The following HTR2A variants were observed in gnomAD, a reference collection of about 807,000 sequenced individuals.
HTR2A encodes the protein 5-HT2 receptor.
A neutral mutation model predicts 31.0 loss-of-function variants in HTR2A; 14 were observed. That is an observed-to-expected ratio of 0.45 (90% confidence interval 0.30 to 0.71). HTR2A has a LOEUF of 0.71. HTR2A is among the 30% of genes least tolerant of loss of function. The pLI, the probability that HTR2A is intolerant of heterozygous loss-of-function variation, is 0.09. For missense variants in HTR2A, 442 were observed against 573.3 expected, an observed-to-expected ratio of 0.77 and a Z score of 2.34; for synonymous variants, 209 against 225.2, an observed-to-expected ratio of 0.93 and a Z score of 0.64.
intron 3 of HTR2A, among the ~76,000 whole-genome samples, chr13:46,861,948 T>C (rs904429377): frequency 6.6e-6 from 1 of 152,214 alleles, no homozygotes; most frequent in Non-Finnish European, 1.5e-5. Flanking sequence ...GAATATTGGA[T>C]GCACATGGAG....
Position 46,833,322 on chromosome 13 carries a change from T to G in HTR2A, c.*1515A>C, listed in dbSNP as rs1373071945. 2.0e-5 allele frequency: 3 copies of G among 152,188 alleles called. No homozygotes were observed. The highest frequency in any genetic ancestry group is 4.4e-5 in the Non-Finnish European group (3 of 68,034). The allele number at this position is 152,188 out of a possible 1,614,324, so 9.4% of individuals were successfully genotyped here. ...ATTCTAAAAATAAGTCTGTATATATTTTTTGACTAAGACCATTTCAGTTTA... is the reference window on the plus strand; with the variant it reads ...ATTCTAAAAATAAGTCTGTATATATGTTTTGACTAAGACCATTTCAGTTTA... On this transcript the variant is annotated 3_prime_UTR_variant, in exon 4 of 4. Transcript: ENST00000542664.
intron 3 of HTR2A, among the ~76,000 whole-genome samples, chr13:46,862,480 G>T (rs1950787571): frequency 6.6e-6 from 1 of 152,158 alleles, no homozygotes; most frequent in Non-Finnish European, 1.5e-5. Flanking sequence ...GAAAAAGTTA[G>T]CCAGGGGGAA....
At chr13:46,857,721 TA>T (rs1359700830) in intron 3 of HTR2A, among the ~76,000 whole-genome samples, 1 of 152,110 alleles carries the variant, frequency 6.6e-6, no homozygotes, top group African/African-American at 2.4e-5. Flanking sequence ...ACAAATGAAA[TA>T]AATGCCCTGG....
chr13:46,853,888 T>C (rs1950710868), intron 3 of HTR2A: 1 of 152,244 alleles, frequency 6.6e-6, no homozygotes, highest in Non-Finnish European at 1.5e-5. Flanking sequence ...CCAGAGGTTT[T>C]TTGCAGTTTT....
At chr13:46,881,866 G>C (rs1346333286) in intron 3 of HTR2A, among the ~76,000 whole-genome samples, 1 of 152,110 alleles carries the variant, frequency 6.6e-6, no homozygotes, top group Admixed American at 6.5e-5. Context: ...TTTTGAGTCT[G>C]GTTTACTCAG....
intron 3 of HTR2A, among the ~76,000 whole-genome samples, chr13:46,852,793 T>C (rs1019118721): frequency 2.6e-5 from 4 of 152,182 alleles, no homozygotes; most frequent in African/African-American, 9.7e-5. Context: ...TAAAATCACT[T>C]AGTCATGCTC....
chr13:46,885,770 C>A (rs1317557640), intron 3 of HTR2A, among the ~76,000 whole-genome samples: 1 of 152,164 alleles, frequency 6.6e-6, no homozygotes, highest in African/African-American at 2.4e-5. Context: ...TTCATTTTGC[C>A]AATTGGATAA....
chr13:46,871,994 C>T (rs192433290), intron 3 of HTR2A, among the ~76,000 whole-genome samples: 10 of 152,224 alleles, frequency 6.6e-5, no homozygotes, highest in African/African-American at 1.9e-4. Flanking sequence ...TTTATTTTTC[C>T]TCTTTAAATT....
At chr13:46,886,161 A>G (rs767610359) in intron 3 of HTR2A, among the ~76,000 whole-genome samples, 1 of 152,182 alleles carries the variant, frequency 6.6e-6, no homozygotes, top group Non-Finnish European at 1.5e-5. Flanking sequence ...TTATTGGAAA[A>G]CTTGTGAATT....
chr13:46,884,332 C>G (rs1186373326), intron 3 of HTR2A, among the ~76,000 whole-genome samples: 1 of 152,168 alleles, frequency 6.6e-6, no homozygotes, highest in Non-Finnish European at 1.5e-5. Flanking sequence ...GAAAGGGAAA[C>G]TGTGGATAAA....
chr13:46,842,668 A>G (rs1244409290), intron 3 of HTR2A, among the ~76,000 whole-genome samples: 1 of 152,182 alleles, frequency 6.6e-6, no homozygotes, highest in African/African-American at 2.4e-5. Flanking sequence ...TGATTTTAAC[A>G]TAATTATTCA....
chr13:46,832,563 CAG>C lies in HTR2A; in HGVS notation c.*2272_*2273del, dbSNP rs1876284578. ...TTTCCCTAATATATAATGAAATGTGCAGAGTTACAAGTGAAGGCAAAATACAT... is the reference window on the plus strand; with the variant it reads ...TTTCCCTAATATATAATGAAATGTGCAGTTACAAGTGAAGGCAAAATACAT... On this transcript the variant is annotated 3_prime_UTR_variant, in exon 4 of 4. Transcript: ENST00000542664. 6.6e-6 allele frequency: 1 copy of C among 152,116 alleles called. No individual in the cohort carries two copies. The highest frequency in any genetic ancestry group is 6.5e-5 in the Admixed American group (1 of 15,274). The allele number at this position is 152,116 out of a possible 1,614,324, so 9.4% of individuals were successfully genotyped here. A position where few individuals can be genotyped will look rare whatever the true frequency, so the allele number is the denominator to read the frequency against.
rs1440655023 is a variant in HTR2A, at chr13:46,896,783, C to T, written c.-438G>A. 2 of 1,536,776 alleles carry T rather than the reference C, an allele frequency of 1.3e-6. No individual in the cohort carries two copies. Among genetic ancestry groups the T allele is most frequent in the Admixed American group, 2.0e-5 (1 of 50,960 alleles). On this transcript the variant is annotated 5_prime_UTR_variant, in exon 1 of 4. The change abolishes an upstream ATG in the 5' untranslated region. Transcript: ENST00000542664. ...TCCCCTCTTCTTGATCTTCCACCAG[C>T]ATAATATGATAGTAATTTGGTTTCT... is the stretch of plus-strand genomic sequence containing the variant.
At chr13:46,875,001 C>A (rs180994155) in intron 3 of HTR2A, among the ~76,000 whole-genome samples, 4 of 152,254 alleles carry the variant, frequency 2.6e-5, no homozygotes, top group Middle Eastern at 3.4e-3. Context: ...ACAAAATTAC[C>A]CTTATCATAG....
At chr13:46,890,498 C>A (rs375745004) in intron 3 of HTR2A, among the ~76,000 whole-genome samples, 6 of 152,156 alleles carry the variant, frequency 3.9e-5, no homozygotes, top group Non-Finnish European at 8.8e-5. Context: ...CTCAGATTGA[C>A]CCATATTGAC....
At chr13:46,878,989 CAG>C (rs1034634978) in intron 3 of HTR2A, among the ~76,000 whole-genome samples, 62 of 152,122 alleles carry the variant, frequency 4.1e-4, no homozygotes, top group Non-Finnish European at 1.5e-4. Flanking sequence ...TAGAGGGAAA[CAG>C]AACTTGAAGA....
At chr13:46,880,568 G>A (rs1197586849) in intron 3 of HTR2A, among the ~76,000 whole-genome samples, 2 of 152,158 alleles carry the variant, frequency 1.3e-5, no homozygotes, top group African/African-American at 2.4e-5. Flanking sequence ...ACCGGGCATG[G>A]TGGCTCACAC....
chr13:46,851,110 A>G (rs79591795), intron 3 of HTR2A, among the ~76,000 whole-genome samples: 10,445 of 152,266 alleles, frequency 0.069, 792 homozygotes, highest in African/African-American at 0.18. Flanking sequence ...GCAACACAAA[A>G]AAGATTCTGA....
intron 3 of HTR2A, among the ~76,000 whole-genome samples, chr13:46,838,606 G>A (rs56005991): frequency 0.29 from 43,652 of 151,996 alleles, 6,855 homozygotes; most frequent in African/African-American, 0.42. Flanking sequence ...GCTATTGGCC[G>A]TAGAGTTAAC....
Sources: gnomAD v4.1 joint callset for allele counts (sites outside exome capture counted in the v4.1 genomes callset) on GRCh38, gnomAD v4.1.1 for gene constraint, MANE v1.5 for transcripts, NCBI Gene and HGNC (gene_info 2026-07-23, HGNC 2026-07-21) for gene names.